Variants in GLI2 observed in about 807,000 individuals in gnomAD.
GLI2 encodes transcription activator GLI2.
GLI2 carries 22 observed loss-of-function variants against 78.9 expected under a neutral mutation model. That is an observed-to-expected ratio of 0.28 (90% CI 0.20 to 0.40). The LOEUF is 0.40. GLI2 is among the 10% of genes least tolerant of loss of function. The pLI, the probability that GLI2 is intolerant of heterozygous loss-of-function variation, is 1.00. For missense variants in GLI2, 2,097 were observed against 2,213.2 expected, an observed-to-expected ratio of 0.95 and a Z score of 1.05; for synonymous variants, 974 against 963.7, an observed-to-expected ratio of 1.01 and a Z score of -0.20.
Position 120,990,199 on chromosome 2 carries a change from C to T in GLI2, c.4234C>T (p.Pro1412Ser), listed in dbSNP as rs1273342744. 4.3e-6 allele frequency: 7 copies of T among 1,613,294 alleles called. 1 individual carries two copies. The highest frequency in any genetic ancestry group is 3.3e-5 in the South Asian group (3 of 91,086). Residue 1412 changes from proline (P) to serine (S), a missense_variant, in exon 14 of 14, where the codon CCC becomes TCC. Physicochemically the swap from Pro to Ser is moderately conservative, Grantham distance 74. This residue lies in a region of GLI2 where 1,290 missense variants were observed against 1,261.7 expected (regional missense o/e 1.02). Coordinates refer to ENST00000361492, the MANE Select transcript of GLI2 (RefSeq NM_001374353.1). Reference sequence around the variant, plus strand: ...GATGGGCAACATGGGGTCGGTGCCTCCCCAGCCGCCTCCGCAGGACGCAGG... The same window carrying T: ...GATGGGCAACATGGGGTCGGTGCCTTCCCAGCCGCCTCCGCAGGACGCAGG... ...GAMGNMGSVP[P>S]QPPPQDAGGA...
rs1682377263 is a variant in GLI2, at chr2:120,974,921, C to T, written c.1183-54C>T. 4 of 1,614,056 alleles carry T rather than the reference C, an allele frequency of 2.5e-6. No individual in the cohort carries two copies. Among genetic ancestry groups the T allele is most frequent in the Non-Finnish European group, 1.7e-6 (2 of 1,180,024 alleles). Reference sequence around the variant, plus strand: ...CATGGGACTAACAGCGACCTCTTTTCAGGGCCAGGTGTCTGGACACGGCTC... The same window carrying T: ...CATGGGACTAACAGCGACCTCTTTTTAGGGCCAGGTGTCTGGACACGGCTC... On this transcript the variant is annotated intron_variant, in intron 8 of 13. Coordinates refer to ENST00000361492, the MANE Select transcript of GLI2 (RefSeq NM_001374353.1).
At chr2:120,816,679 A>T (rs1160053554) in intron 2 of GLI2, among the ~76,000 whole-genome samples, 1 of 152,136 alleles carries the variant, frequency 6.6e-6, no homozygotes, top group Non-Finnish European at 1.5e-5. Flanking sequence ...GTAGGATTAC[A>T]CTTCTGCAAA....
chr2:120,869,874 GA>G (rs1444746252), intron 2 of GLI2, among the ~76,000 whole-genome samples: 1 of 152,054 alleles, frequency 6.6e-6, no homozygotes, highest in Admixed American at 6.5e-5. Context: ...CCTGCAGGGG[GA>G]CCTTCAGTCC....
chr2:120,898,989 G>T (rs1241008525), intron 2 of GLI2, among the ~76,000 whole-genome samples: 1 of 152,166 alleles, frequency 6.6e-6, no homozygotes, highest in Non-Finnish European at 1.5e-5. Context: ...ACACAGAAAC[G>T]AAAGGGTCTG....
chr2:120,900,884 T>C (rs1163312746), intron 2 of GLI2, among the ~76,000 whole-genome samples: 2 of 152,164 alleles, frequency 1.3e-5, no homozygotes, highest in Non-Finnish European at 2.9e-5. Context: ...CATCAGAGAA[T>C]CTGTCTGGTC....
intron 2 of GLI2, among the ~76,000 whole-genome samples, chr2:120,859,922 C>T (rs922899926): frequency 2.0e-5 from 3 of 151,810 alleles, no homozygotes; most frequent in African/African-American, 4.8e-5. Context: ...CAAAGTGCTG[C>T]GATGACAGGC....
intron 10 of GLI2, among the ~76,000 whole-genome samples, chr2:120,982,110 C>T (rs539529773): frequency 3.3e-5 from 5 of 152,096 alleles, no homozygotes; most frequent in East Asian, 1.9e-4. Context: ...GGCCAGGAAC[C>T]GGATTGGGTG....
chr2:120,947,328 C>A (rs1680757571), intron 3 of GLI2, among the ~76,000 whole-genome samples: 1 of 152,220 alleles, frequency 6.6e-6, no homozygotes, highest in Non-Finnish European at 1.5e-5. Context: ...TGTTCCCATC[C>A]ACAAGATGGG....
chr2:120,842,294 A>G (rs1337296627), intron 2 of GLI2, among the ~76,000 whole-genome samples: 1 of 152,100 alleles, frequency 6.6e-6, no homozygotes, highest in Non-Finnish European at 1.5e-5. Flanking sequence ...ATGTGTGCTT[A>G]CCTATAAATT....
chr2:120,926,857 G>T (rs1679701688), intron 2 of GLI2, among the ~76,000 whole-genome samples: 1 of 152,238 alleles, frequency 6.6e-6, no homozygotes, highest in Non-Finnish European at 1.5e-5. Flanking sequence ...GACAGCAGTT[G>T]GGTGGGATTT....
intron 1 of GLI2, among the ~76,000 whole-genome samples, chr2:120,767,217 A>C (rs554959403): frequency 6.6e-6 from 1 of 152,256 alleles, no homozygotes; most frequent in East Asian, 1.9e-4. Context: ...GGGAGAGACT[A>C]GGCCAGTCAG....
rs1558800906 is a variant in GLI2, at chr2:120,797,403, CG to C, written c.86del (p.Gly29ValfsTer17). The C allele has an allele frequency of 3.7e-6, 6 of 1,614,002 alleles. No individual in the cohort carries two copies. In the South Asian group the frequency reaches 6.6e-5, roughly 18 times the overall value. On this transcript the variant is annotated frameshift_variant, in exon 2 of 14. Coordinates refer to ENST00000361492, the MANE Select transcript of GLI2 (RefSeq NM_001374353.1). LOFTEE classifies it high-confidence loss of function. ...CTGGAGGCCGCTGGCTTCCCCGACCCGGGTAAAAAGGCCTCTCCTTTGGTGG... is the reference window on the plus strand; with the variant it reads ...CTGGAGGCCGCTGGCTTCCCCGACCCGGTAAAAAGGCCTCTCCTTTGGTGG... ...GILEAAGFPD[P>X]GKKASPLVVA... is the part of the protein sequence containing the mutation.
intron 2 of GLI2, among the ~76,000 whole-genome samples, chr2:120,799,281 C>T (rs1413994699): frequency 6.6e-6 from 1 of 152,206 alleles, no homozygotes. Flanking sequence ...CTTTCCTGCC[C>T]ACCCCGCAGG....
At chr2:120,871,737 A>C (rs1200523550) in intron 2 of GLI2, among the ~76,000 whole-genome samples, 3 of 152,252 alleles carry the variant, frequency 2.0e-5, no homozygotes, top group African/African-American at 7.2e-5. Context: ...TCCCTGGGGT[A>C]GCAGCTACTT....
chr2:120,822,245 A>G (rs1457406177), intron 2 of GLI2, among the ~76,000 whole-genome samples: 1 of 152,282 alleles, frequency 6.6e-6, no homozygotes, highest in African/African-American at 2.4e-5. Context: ...TAAACTCAAC[A>G]AAGTGTCTCT....
At chr2:120,842,075 A>C (rs867590728) in intron 2 of GLI2, among the ~76,000 whole-genome samples, 1 of 151,294 alleles carries the variant, frequency 6.6e-6, no homozygotes, top group African/African-American at 2.4e-5. Flanking sequence ...AAAAAAAAAA[A>C]AACAGACTTC....
chr2:120,791,390 G>A (rs1208470074), intron 1 of GLI2, among the ~76,000 whole-genome samples: 4 of 152,198 alleles, frequency 2.6e-5, no homozygotes, highest in Non-Finnish European at 5.9e-5. Context: ...GGTGTGAGGG[G>A]AGAGGAAAGG....
chr2:120,872,842 T>C (rs1265426443), intron 2 of GLI2, among the ~76,000 whole-genome samples: 2 of 152,242 alleles, frequency 1.3e-5, no homozygotes, highest in East Asian at 3.8e-4. Flanking sequence ...ATATGTCACT[T>C]GTTCAATTAC....
At chr2:120,960,599 C>T (rs1044123679) in intron 5 of GLI2, among the ~76,000 whole-genome samples, 6 of 152,362 alleles carry the variant, frequency 3.9e-5, no homozygotes, top group Admixed American at 3.9e-4. Flanking sequence ...AATGGAAAAC[C>T]TAATCCCTGT....
Sources: gnomAD v4.1 joint callset for allele counts (sites outside exome capture counted in the v4.1 genomes callset) on GRCh38, gnomAD v4.1.1 for gene constraint, gnomAD v4.1.1 regional missense constraint, MANE v1.5 for transcripts, NCBI Gene and HGNC (gene_info 2026-07-23, HGNC 2026-07-21) for gene names.